The following DCUN1D1 variants were observed in gnomAD, a reference collection of about 807,000 sequenced individuals.
The protein encoded by DCUN1D1 is DCN1-like protein 1.
In DCUN1D1, 3 loss-of-function variants were observed where a neutral mutation model predicts 39.0. The observed-to-expected ratio is 0.08, with a 90% CI of 0.04 to 0.20. The LOEUF (loss-of-function observed/expected upper bound fraction) is 0.20. Ranked by LOEUF, DCUN1D1 falls within the 10% of genes least tolerant of loss-of-function variation. The pLI, the probability that DCUN1D1 is intolerant of heterozygous loss-of-function variation, is 1.00. For synonymous variants in DCUN1D1, 82 were observed against 96.3 expected, an observed-to-expected ratio of 0.85 and a Z score of 0.87; for missense variants, 158 against 302.4, an observed-to-expected ratio of 0.52 and a Z score of 3.54.
intron 1 of DCUN1D1, among the ~76,000 whole-genome samples, chr3:182,971,570 C>T (rs1451847706): frequency 2.0e-5 from 3 of 147,048 alleles, no homozygotes; most frequent in African/African-American, 5.1e-5. Context: ...GCATGCGACC[C>T]TATCTTAAAA....
chr3:182,954,511 G>A (rs73066904), intron 4 of DCUN1D1, among the ~76,000 whole-genome samples: 2,702 of 152,108 alleles, frequency 0.018, 94 homozygotes, highest in African/African-American at 0.063. Flanking sequence ...TCTGATGCCG[G>A]CAGTTTCTTC....
At chr3:182,965,858 A>T (rs1196580340) in intron 1 of DCUN1D1, 105 bp from the exon 2 acceptor site, 2 of 698,508 alleles carry the variant, frequency 2.9e-6, no homozygotes, top group African/African-American at 3.6e-5. Flanking sequence ...TTCCTCACAA[A>T]ACATTAAAAC....
rs528040893 is a variant in DCUN1D1 at position 182,939,981 on chromosome 3, G to A, written c.*5113C>T. ...GGATTAAGAACATTAGCATTTGCTTGAAAACTAAACACGCTGCTTTCAAAG... is the reference window on the plus strand; with the variant it reads ...GGATTAAGAACATTAGCATTTGCTTAAAAACTAAACACGCTGCTTTCAAAG... On this transcript the variant is annotated 3_prime_UTR_variant, in exon 7 of 7. Transcript: ENST00000292782. 1.3e-5 allele frequency: 2 copies of A among 152,120 alleles called. No individual in the cohort carries two copies. Among genetic ancestry groups the A allele is most frequent in the Non-Finnish European group, 1.5e-5 (1 of 68,012 alleles). 9.4% of individuals were successfully genotyped at this position (152,120 alleles called of 1,614,324 possible).
intron 1 of DCUN1D1, among the ~76,000 whole-genome samples, chr3:182,978,983 G>A (rs1371540090): frequency 6.6e-6 from 1 of 152,178 alleles, no homozygotes; most frequent in Non-Finnish European, 1.5e-5. Context: ...TTCAGCTGTG[G>A]CTGAGTGTTT....
At chr3:182,961,675 G>T (rs749797015) in intron 3 of DCUN1D1, among the ~76,000 whole-genome samples, 2 of 152,126 alleles carry the variant, frequency 1.3e-5, no homozygotes, top group Non-Finnish European at 2.9e-5. Flanking sequence ...AGAATGTATA[G>T]TAATCAGCAT....
In DCUN1D1 at chr3:182,980,468, G is replaced by GGCGGCCGC. The variant is rs1728487720; in HGVS notation, c.3+11_3+18dup. ...CGGCCCCCAGCCGGCAGGGCGGGCG[G>GGCGGCCGC]GCGGCCGCAGTGCCTCACCATGTTG... On this transcript the variant is annotated intron_variant, in intron 1 of 6. Coordinates refer to ENST00000292782, the MANE Select transcript of DCUN1D1 (RefSeq NM_020640.4). 7 of 1,175,842 alleles carry GGCGGCCGC rather than the reference G, an allele frequency of 6.0e-6. No individual in the cohort carries two copies. Among genetic ancestry groups the GGCGGCCGC allele is most frequent in the African/African-American group, 1.6e-5 (1 of 61,308 alleles). 72.8% of individuals were successfully genotyped at this position (1,175,842 alleles called of 1,614,324 possible). A position where few individuals can be genotyped will look rare whatever the true frequency, so the allele number is the denominator to read the frequency against.
intron 3 of DCUN1D1, 70 bp downstream of exon 3, chr3:182,963,811 C>G (rs1178910769): frequency 1.7e-5 from 22 of 1,327,536 alleles, no homozygotes; most frequent in Non-Finnish European, 2.0e-5. Context: ...TAAATTTACA[C>G]TAAAAAGTTC....
chr3:182,964,858 C>T (rs1171954655), intron 2 of DCUN1D1, among the ~76,000 whole-genome samples: 1 of 152,076 alleles, frequency 6.6e-6, no homozygotes, highest in African/African-American at 2.4e-5. Context: ...ACAGACTGGT[C>T]TTGAACTCCT....
chr3:182,955,254 C>T, intron 4 of DCUN1D1: 2 of 523,340 alleles, frequency 3.8e-6, no homozygotes, highest in South Asian at 1.5e-5. Context: ...TTGAGGGTCT[C>T]CTCCTGTGTT....
In DCUN1D1 at chr3:182,943,410, T is replaced by C. The variant is rs1381348598; in HGVS notation, c.*1684A>G. On this transcript the variant is annotated 3_prime_UTR_variant, in exon 7 of 7. Transcript: ENST00000292782. ...AATAGAAATTTTCAAATTTTTCTTT[T>C]GGTAAAACTGCATTCTTGAATTAAA... 1 of 152,556 alleles carries C rather than the reference T, an allele frequency of 6.6e-6. No homozygotes were observed. Among genetic ancestry groups the C allele is most frequent in the African/African-American group, 2.4e-5 (1 of 41,442 alleles). 9.5% of individuals were successfully genotyped at this position (152,556 alleles called of 1,614,324 possible). A position where few individuals can be genotyped will look rare whatever the true frequency, so the allele number is the denominator to read the frequency against.
rs1459103209 is a variant in DCUN1D1 at position 182,943,087 on chromosome 3, T to C, written c.*2007A>G. Reference sequence around the variant, plus strand: ...CAAGGCACTAGGCCACGAACCAATATGACTTTTAAAGAAAACACTTTATAT... The same window carrying C: ...CAAGGCACTAGGCCACGAACCAATACGACTTTTAAAGAAAACACTTTATAT... On this transcript the variant is annotated 3_prime_UTR_variant, in exon 7 of 7. Coordinates refer to ENST00000292782, the MANE Select transcript of DCUN1D1 (RefSeq NM_020640.4). 3.8e-5 allele frequency: 5 copies of C among 130,700 alleles called. No homozygotes were observed. Among genetic ancestry groups the C allele is most frequent in the East Asian group, 2.1e-4 (1 of 4,652 alleles). 8.1% of individuals were successfully genotyped at this position (130,700 alleles called of 1,614,324 possible).
chr3:182,938,451 G>A lies in DCUN1D1; in HGVS notation c.*6643C>T, dbSNP rs776313406. 4.0e-5 allele frequency: 6 copies of A among 151,786 alleles called. No individual in the cohort carries two copies. Among genetic ancestry groups the A allele is most frequent in the East Asian group, 3.9e-4 (2 of 5,186 alleles). 9.4% of individuals were successfully genotyped at this position (151,786 alleles called of 1,614,324 possible). On this transcript the variant is annotated 3_prime_UTR_variant, in exon 7 of 7. Coordinates refer to ENST00000292782, the MANE Select transcript of DCUN1D1 (RefSeq NM_020640.4). The stretch of plus-strand genomic sequence containing the variant: ...AGTTAAGTCTAACAACAGAATTGTG[G>A]TTTTATTTAACAGTCCTTATCTTTT...
rs567615420 is a variant in DCUN1D1 at position 182,967,794 on chromosome 3, A to G, written c.4-2041T>C. ...TGACAACAAACTCACAATGAAATCA[A>G]ATGCCAAGGAAGAGAACTGTCCTAA... On this transcript the variant is annotated intron_variant, in intron 1 of 6. Transcript: ENST00000292782. Among the ~76,000 whole-genome samples the G allele has an allele frequency of 6.6e-5, 10 of 152,362 alleles. No homozygotes were observed. The East Asian group carries it at 1.9e-3, about 29-fold the overall frequency.
chr3:182,975,767 C>T (rs187862869), intron 1 of DCUN1D1, among the ~76,000 whole-genome samples: 94 of 144,786 alleles, frequency 6.5e-4, no homozygotes, highest in Middle Eastern at 7.6e-3. Context: ...AGTGTGGAAC[C>T]AGAGACCAGG....
intron 4 of DCUN1D1, among the ~76,000 whole-genome samples, chr3:182,958,296 G>A (rs1382218220): frequency 6.7e-6 from 1 of 149,670 alleles, no homozygotes; most frequent in Non-Finnish European, 1.5e-5. Context: ...GACTTTTTTA[G>A]TTTTAGGTTT....
chr3:182,961,181 T>C (rs144878955), intron 4 of DCUN1D1, 45 bp downstream of exon 4: 68 of 1,318,128 alleles, frequency 5.2e-5, no homozygotes, highest in East Asian at 2.4e-4. Flanking sequence ...GTCAATGTAT[T>C]TGAATATATC....
At chr3:182,978,267 C>T (rs564243949) in intron 1 of DCUN1D1, among the ~76,000 whole-genome samples, 1 of 152,244 alleles carries the variant, frequency 6.6e-6, no homozygotes, top group South Asian at 2.1e-4. Context: ...AAACTCACAG[C>T]CCCGAAACTG....
intron 1 of DCUN1D1, among the ~76,000 whole-genome samples, chr3:182,969,001 T>TC (rs1727805610): frequency 2.0e-5 from 3 of 152,188 alleles, no homozygotes; most frequent in African/African-American, 7.2e-5. Flanking sequence ...TCCAACACCA[T>TC]AAAGGCTACT....
intron 4 of DCUN1D1, among the ~76,000 whole-genome samples, chr3:182,951,646 AC>A (rs1276205040): frequency 8.9e-5 from 11 of 123,256 alleles, no homozygotes; most frequent in Admixed American, 1.7e-4. Context: ...AAAAAAAAAA[AC>A]CACCACACAC....
Sources: gnomAD v4.1 joint callset for allele counts (sites outside exome capture counted in the v4.1 genomes callset) on GRCh38, gnomAD v4.1.1 for gene constraint, MANE v1.5 for transcripts, NCBI Gene and HGNC (gene_info 2026-07-23, HGNC 2026-07-21) for gene names.